The following TNR variants were observed in gnomAD, a reference collection of about 807,000 sequenced individuals.
The protein encoded by TNR is tenascin-R.
Under a neutral mutation model 150.4 loss-of-function variants are expected in TNR, and 45 were observed. The observed-to-expected ratio is 0.30, with a 90% CI of 0.24 to 0.38. TNR has a LOEUF of 0.38. Among genes scored for constraint, TNR ranks in the 10% least tolerant of loss-of-function variants. The probability of loss-of-function intolerance (pLI) is 1.00; values close to 1 mark genes in which losing one functional copy is unlikely to be tolerated. For missense variants in TNR, 1,544 were observed against 1,759.1 expected (o/e 0.88, Z 2.19); for synonymous variants, 687 against 678.4 (o/e 1.01, Z -0.20).
chr1:175,472,714 G>A (rs960048676), intron 2 of TNR, among the ~76,000 whole-genome samples: 1 of 152,188 alleles, frequency 6.6e-6, no homozygotes, highest in African/African-American at 2.4e-5. Flanking sequence ...ACAAAGATTG[G>A]AGGAGCTGTT....
chr1:175,697,139 G>C (rs1666555345), intron 1 of TNR, among the ~76,000 whole-genome samples: 1 of 151,628 alleles, frequency 6.6e-6, no homozygotes, highest in South Asian at 2.1e-4. Context: ...TTTCTCCCTA[G>C]GACCAGCAAA....
At chr1:175,357,079 C>T (rs1003258030) in intron 15 of TNR, among the ~76,000 whole-genome samples, 2 of 152,198 alleles carry the variant, frequency 1.3e-5, no homozygotes, top group Non-Finnish European at 2.9e-5. Flanking sequence ...TTTGTAACCA[C>T]TCCCCCTACC....
At chr1:175,581,910 G>T (rs1294771679) in intron 1 of TNR, among the ~76,000 whole-genome samples, 2 of 152,096 alleles carry the variant, frequency 1.3e-5, no homozygotes, top group Non-Finnish European at 2.9e-5. Context: ...GCACATGTTT[G>T]GGATGTGAGA....
chr1:175,591,978 C>A lies in TNR; in HGVS notation c.-164-63609G>T, dbSNP rs117927724. On this transcript the variant is annotated intron_variant, in intron 1 of 22. Transcript: ENST00000367674. ...TCTAAGTGACCAAGATAAACAGAGA[C>A]TCCTGGTCACCTGCTTTCAATGTAA... Among the ~76,000 whole-genome samples, 194 of 152,274 alleles carry A rather than the reference C, an allele frequency of 1.3e-3. 1 individual carries two copies. The East Asian group carries it at 0.029, about 23-fold the overall frequency.
chr1:175,511,530 C>T (rs1348196778), intron 2 of TNR, among the ~76,000 whole-genome samples: 1 of 152,158 alleles, frequency 6.6e-6, no homozygotes, highest in African/African-American at 2.4e-5. Flanking sequence ...TCTCTACATT[C>T]CCTCTATGAT....
Position 175,391,288 on chromosome 1 carries a change from C to T in TNR, c.1507G>A (p.Val503Ile). Reference sequence around the variant, plus strand: ...AGGGAGAAGGGTTGGAGGCACTCACCTGTGGAGACGCTGGCCGAGGTAGGG... The same window carrying T: ...AGGGAGAAGGGTTGGAGGCACTCACTTGTGGAGACGCTGGCCGAGGTAGGG... Reference protein sequence around the residue: ...SPPTSASVSTVIDGPTQILVR... With the variant: ...SPPTSASVSTIIDGPTQILVR... Residue 503 changes from valine (V) to isoleucine (I), a missense_variant and splice_region_variant, in exon 7 of 23, where the codon GTC (valine) becomes ATC (isoleucine). By Grantham distance (29) the Val-to-Ile change is conservative. Transcript: ENST00000367674. The T allele has an allele frequency of 6.2e-7, 1 of 1,613,520 alleles. No individual in the cohort carries two copies. Among genetic ancestry groups the T allele is most frequent in the Non-Finnish European group, 8.5e-7 (1 of 1,179,908 alleles).
intron 2 of TNR, among the ~76,000 whole-genome samples, chr1:175,505,045 G>GCA (rs33968502): frequency 0.23 from 16 of 70 alleles, no homozygotes; most frequent in Non-Finnish European, 0.1. Flanking sequence ...GACTGTGTTG[G>GCA]ATTCCCGCCT....
intron 1 of TNR, among the ~76,000 whole-genome samples, chr1:175,728,521 T>C (rs908290473): frequency 6.6e-6 from 1 of 152,224 alleles, no homozygotes; most frequent in Non-Finnish European, 1.5e-5. Flanking sequence ...TGAAGCCTCA[T>C]CACCCAAATT....
chr1:175,530,849 C>T (rs1224904537), intron 1 of TNR, among the ~76,000 whole-genome samples: 1 of 152,126 alleles, frequency 6.6e-6, no homozygotes, highest in Non-Finnish European at 1.5e-5. Flanking sequence ...GCTCATTTAA[C>T]CACATATATA....
At chr1:175,411,860 A>T (rs1654230549) in intron 2 of TNR, among the ~76,000 whole-genome samples, 1 of 152,140 alleles carries the variant, frequency 6.6e-6, no homozygotes, top group African/African-American at 2.4e-5. Flanking sequence ...AATTCAGCCC[A>T]TAACAAATAC....
At chr1:175,610,498 T>C (rs1663558607) in intron 1 of TNR, among the ~76,000 whole-genome samples, 1 of 152,226 alleles carries the variant, frequency 6.6e-6, no homozygotes, top group African/African-American at 2.4e-5. Context: ...TATCTGAACT[T>C]TGGTGAGCAT....
At chr1:175,738,335 G>T (rs1258855539) in intron 1 of TNR, among the ~76,000 whole-genome samples, 1 of 152,192 alleles carries the variant, frequency 6.6e-6, no homozygotes, top group Non-Finnish European at 1.5e-5. Flanking sequence ...ATATTATTCA[G>T]CCATAAAAAG....
At chr1:175,582,486 G>A (rs1228954185) in intron 1 of TNR, among the ~76,000 whole-genome samples, 1 of 152,202 alleles carries the variant, frequency 6.6e-6, no homozygotes. Context: ...AGACTTGAGA[G>A]AAAATCCTGA....
intron 1 of TNR, among the ~76,000 whole-genome samples, chr1:175,683,543 C>T (rs1432912672): frequency 6.6e-6 from 1 of 152,194 alleles, no homozygotes; most frequent in Non-Finnish European, 1.5e-5. Flanking sequence ...TTCATCTGCC[C>T]ATGCCCCTTC....
chr1:175,355,687 G>C (rs200633641), intron 16 of TNR, 54 bp from the exon 17 acceptor site: 9 of 1,606,242 alleles, frequency 5.6e-6, no homozygotes, highest in East Asian at 2.2e-5. Flanking sequence ...TCCTCCCCCT[G>C]CTTGATTTCA....
chr1:175,566,453 G>A (rs187586144), intron 1 of TNR, among the ~76,000 whole-genome samples: 257 of 152,356 alleles, frequency 1.7e-3, no homozygotes, highest in African/African-American at 6.0e-3. Context: ...CAGCCTGTGC[G>A]GTGCACATGG....
At chr1:175,399,090 A>C (rs1653577500) in intron 4 of TNR, among the ~76,000 whole-genome samples, 1 of 152,212 alleles carries the variant, frequency 6.6e-6, no homozygotes, top group Admixed American at 6.5e-5. Flanking sequence ...CCCAAAGTAA[A>C]CTATATTAGG....
rs139991833 is a variant in TNR, at chr1:175,644,722, G to A, written c.-165+98504C>T. Among the ~76,000 whole-genome samples the A allele has an allele frequency of 1.1e-3, 171 of 152,302 alleles. 1 individual carries two copies. In the East Asian group the frequency reaches 0.017, roughly 15 times the overall value. ...GGGGCCAGGCACACAGTAAATACTC[G>A]ATGCATGTTTGCTAAATACAGGAAA... On this transcript the variant is annotated intron_variant, in intron 1 of 22. Coordinates refer to ENST00000367674, the MANE Select transcript of TNR (RefSeq NM_003285.3).
At chr1:175,678,132 G>C (rs1383591638) in intron 1 of TNR, among the ~76,000 whole-genome samples, 2 of 152,178 alleles carry the variant, frequency 1.3e-5, no homozygotes, top group African/African-American at 4.8e-5. Flanking sequence ...CCCAGCCCCA[G>C]CCTGGTACAC....
Sources: allele counts gnomAD v4.1 joint callset (sites outside exome capture counted in the v4.1 genomes callset), GRCh38; gene constraint gnomAD v4.1.1; transcripts MANE v1.5; gene names NCBI Gene and HGNC (gene_info 2026-07-23, HGNC 2026-07-21).